The following NR6A1 variants were observed in gnomAD, a reference collection of about 807,000 sequenced individuals.
NR6A1 encodes the protein nuclear receptor subfamily 6 group A member 1, also known as retinoic acid receptor-related testis-associated receptor.
NR6A1 carries 7 observed loss-of-function variants against 59.1 expected under a neutral mutation model. That is an observed-to-expected ratio of 0.12 (90% confidence interval 0.07 to 0.22). The LOEUF (loss-of-function observed/expected upper bound fraction) is 0.22, where lower values mean the gene tolerates loss of function less well. Among genes scored for constraint, NR6A1 ranks in the 10% least tolerant of loss-of-function variants. NR6A1 has a pLI of 1.00. For synonymous variants in NR6A1, 243 were observed against 236.1 expected (o/e 1.03, Z -0.27); for missense variants, 468 against 611.6 (o/e 0.77, Z 2.48).
intron 2 of NR6A1, among the ~76,000 whole-genome samples, chr9:124,681,338 C>CTTTTTTTTT (rs779847656): frequency 9.0e-6 from 1 of 110,786 alleles, no homozygotes. Flanking sequence ...AACATTTGAG[C>CTTTTTTTTT]TTTTTTTTTT....
intron 2 of NR6A1, among the ~76,000 whole-genome samples, chr9:124,654,053 C>G (rs1837178444): frequency 6.6e-6 from 1 of 152,202 alleles, no homozygotes; most frequent in Admixed American, 6.5e-5. Context: ...CTGGAAGAAG[C>G]TCTCGTTGAA....
At chr9:124,701,200 C>T (rs142229603) in intron 2 of NR6A1, among the ~76,000 whole-genome samples, 6 of 152,274 alleles carry the variant, frequency 3.9e-5, no homozygotes, top group African/African-American at 1.2e-4. Flanking sequence ...CATTGTAACA[C>T]GCAAGATTTC....
At chr9:124,536,648 G>T (rs1332812411) in intron 6 of NR6A1, among the ~76,000 whole-genome samples, 2 of 149,742 alleles carry the variant, frequency 1.3e-5, no homozygotes, top group East Asian at 3.9e-4. Context: ...CTGGGTGACA[G>T]AGCAAGACTC....
intron 2 of NR6A1, among the ~76,000 whole-genome samples, chr9:124,680,985 G>C (rs1346307005): frequency 6.6e-6 from 1 of 152,216 alleles, no homozygotes; most frequent in African/African-American, 2.4e-5. Context: ...CAGAAAAAAG[G>C]AGGGAAAGCC....
At chr9:124,594,942 C>T (rs1435273974) in intron 2 of NR6A1, among the ~76,000 whole-genome samples, 2 of 152,220 alleles carry the variant, frequency 1.3e-5, no homozygotes, top group African/African-American at 2.4e-5. Context: ...TTCAAAGAGT[C>T]GGGAACTCTT....
At chr9:124,580,972 G>A (rs1261783903) in intron 2 of NR6A1, among the ~76,000 whole-genome samples, 1 of 152,096 alleles carries the variant, frequency 6.6e-6, no homozygotes, top group African/African-American at 2.4e-5. Context: ...AGAGAACCCA[G>A]AAATAAGACT....
rs552001380 is a variant in NR6A1 at position 124,731,211 on chromosome 9, A to C, written c.142+2097T>G. Among the ~76,000 whole-genome samples, 14 of 152,226 alleles carry C rather than the reference A, an allele frequency of 9.2e-5. No individual in the cohort carries two copies. In the East Asian group the frequency reaches 2.7e-3, roughly 29 times the overall value. ...ATGGTGAAACCCCGTCTCTACTAAA[A>C]ATACAAAAATTAGCCAGCCATGGTT... is the stretch of plus-strand genomic sequence containing the variant. On this transcript the variant is annotated intron_variant, in intron 2 of 9. Coordinates refer to ENST00000487099, the MANE Select transcript of NR6A1 (RefSeq NM_033334.4).
At chr9:124,767,303 G>A (rs754942013) in intron 1 of NR6A1, among the ~76,000 whole-genome samples, 1 of 151,746 alleles carries the variant, frequency 6.6e-6, no homozygotes, top group Non-Finnish European at 1.5e-5. Flanking sequence ...TTTTTGCTAC[G>A]GAAGTCAGAA....
chr9:124,541,267 A>AT (rs1233725417), intron 4 of NR6A1, among the ~76,000 whole-genome samples: 3 of 152,332 alleles, frequency 2.0e-5, no homozygotes, highest in African/African-American at 7.2e-5. Flanking sequence ...AGGAACTCCC[A>AT]TAACTCAGGA....
chr9:124,651,321 A>C (rs919575945), intron 2 of NR6A1, among the ~76,000 whole-genome samples: 1 of 152,178 alleles, frequency 6.6e-6, no homozygotes, highest in Admixed American at 6.5e-5. Context: ...GGCCTCCCAA[A>C]GTGCTGGAAT....
chr9:124,525,301 A>ACACACACT (rs1415556949), intron 8 of NR6A1, among the ~76,000 whole-genome samples: 1 of 151,044 alleles, frequency 6.6e-6, no homozygotes, highest in Non-Finnish European at 1.5e-5. Flanking sequence ...ACACACACAC[A>ACACACACT]CACACACACA....
chr9:124,608,508 G>A (rs549085019), intron 2 of NR6A1, among the ~76,000 whole-genome samples: 20 of 152,324 alleles, frequency 1.3e-4, no homozygotes, highest in African/African-American at 4.3e-4. Flanking sequence ...ATTCCATGGT[G>A]TATATATACC....
intron 2 of NR6A1, among the ~76,000 whole-genome samples, chr9:124,720,271 G>C (rs951949728): frequency 6.6e-6 from 1 of 151,942 alleles, no homozygotes; most frequent in African/African-American, 2.4e-5. Context: ...GGCTGGTCTC[G>C]AACTCCTGAC....
At chr9:124,652,989 C>A (rs1236157184) in intron 2 of NR6A1, among the ~76,000 whole-genome samples, 5 of 152,202 alleles carry the variant, frequency 3.3e-5, no homozygotes, top group African/African-American at 1.2e-4. Flanking sequence ...CCCCTTCCTA[C>A]AGCCTCTGCT....
intron 2 of NR6A1, among the ~76,000 whole-genome samples, chr9:124,685,142 T>C (rs1838291335): frequency 6.6e-6 from 1 of 152,186 alleles, no homozygotes; most frequent in Non-Finnish European, 1.5e-5. Context: ...ATCTGTTAAA[T>C]TAAGATATTT....
chr9:124,684,724 A>G (rs1838276554), intron 2 of NR6A1, among the ~76,000 whole-genome samples: 1 of 152,208 alleles, frequency 6.6e-6, no homozygotes, highest in Non-Finnish European at 1.5e-5. Context: ...AGCAGCTGAT[A>G]AATGTCAGAC....
At chr9:124,625,220 T>C (rs1260433274) in intron 2 of NR6A1, among the ~76,000 whole-genome samples, 1 of 152,234 alleles carries the variant, frequency 6.6e-6, no homozygotes, top group African/African-American at 2.4e-5. Flanking sequence ...TGTCTAGTTT[T>C]AGTTTCCTCT....
chr9:124,690,516 T>C (rs1000152779), intron 2 of NR6A1, among the ~76,000 whole-genome samples: 1 of 152,142 alleles, frequency 6.6e-6, no homozygotes, highest in African/African-American at 2.4e-5. Flanking sequence ...AATAGTTGGA[T>C]TGGCTTGTTA....
At chr9:124,695,009 G>C (rs2131031126) in intron 2 of NR6A1, among the ~76,000 whole-genome samples, 1 of 152,304 alleles carries the variant, frequency 6.6e-6, no homozygotes, top group African/African-American at 2.4e-5. Flanking sequence ...CCCTACTCTA[G>C]ACGAGGTGAT....
Sources: allele counts gnomAD v4.1 joint callset (sites outside exome capture counted in the v4.1 genomes callset), GRCh38; gene constraint gnomAD v4.1.1; transcripts MANE v1.5; gene names NCBI Gene and HGNC (gene_info 2026-07-23, HGNC 2026-07-21).